TAFA1: variants seen among roughly 807,000 people sequenced by gnomAD.
The protein encoded by TAFA1 is chemokine-like protein TAFA-1.
A neutral mutation model predicts 18.5 loss-of-function variants in TAFA1; 4 were observed. That is an observed-to-expected ratio of 0.22 (90% CI 0.11 to 0.49). The LOEUF (loss-of-function observed/expected upper bound fraction) is 0.49, where lower values mean the gene tolerates loss of function less well. Among genes scored for constraint, TAFA1 ranks in the 20% least tolerant of loss-of-function variants. TAFA1 has a pLI of 0.98. For synonymous variants in TAFA1, 56 were observed against 55.2 expected (o/e 1.01, Z -0.06); for missense variants, 147 against 169.0 (o/e 0.87, Z 0.72).
chr3:68,002,661 AAT>A (rs1452440732), upstream of TAFA1, among the ~76,000 whole-genome samples: 3 of 152,234 alleles, frequency 2.0e-5, no homozygotes, highest in Admixed American at 6.5e-5. Flanking sequence ...AAGAAAATAT[AAT>A]AGTTATTTTT....
intron 2 of TAFA1, among the ~76,000 whole-genome samples, chr3:68,207,722 A>G (rs1229296537): frequency 6.6e-6 from 1 of 152,014 alleles, no homozygotes; most frequent in Admixed American, 6.6e-5. Flanking sequence ...CACTAGTAAT[A>G]GTAGTTGTAG....
At chr3:68,047,556 A>T (rs1370046523) in intron 2 of TAFA1, among the ~76,000 whole-genome samples, 1 of 152,144 alleles carries the variant, frequency 6.6e-6, no homozygotes. Context: ...ATTTCACTGG[A>T]TCCAGCTGTC....
At chr3:68,200,770 G>C (rs577448536) in intron 2 of TAFA1, among the ~76,000 whole-genome samples, 2 of 151,440 alleles carry the variant, frequency 1.3e-5, no homozygotes, top group South Asian at 4.1e-4. Context: ...CTGGCTAGAG[G>C]ATTATCATTT....
At chr3:68,345,179 A>G (rs2069145712) in intron 2 of TAFA1, among the ~76,000 whole-genome samples, 1 of 152,140 alleles carries the variant, frequency 6.6e-6, no homozygotes, top group African/African-American at 2.4e-5. Context: ...CCAACTGTGA[A>G]CCTCTGGAGA....
At chr3:68,424,653 A>G (rs1178454013) in intron 3 of TAFA1, among the ~76,000 whole-genome samples, 4 of 151,950 alleles carry the variant, frequency 2.6e-5, no homozygotes, top group Admixed American at 6.6e-5. Flanking sequence ...AAAAGGTTTG[A>G]TAATTGAAGG....
chr3:68,426,454 C>T (rs1015284632), intron 3 of TAFA1, among the ~76,000 whole-genome samples: 45 of 151,660 alleles, frequency 3.0e-4, no homozygotes, highest in African/African-American at 9.2e-4. Context: ...AATTTTTTAG[C>T]GCAGGGAAAT....
chr3:67,999,053 G>A, the TAFA1 span, among the ~76,000 whole-genome samples: 1 of 152,148 alleles, frequency 6.6e-6, no homozygotes, highest in African/African-American at 2.4e-5. Flanking sequence ...CCTGGCTGGT[G>A]TATTCTAGAA....
chr3:68,493,490 T>C (rs1002181886), intron 3 of TAFA1, among the ~76,000 whole-genome samples: 5 of 152,240 alleles, frequency 3.3e-5, no homozygotes, highest in Admixed American at 6.5e-5. Flanking sequence ...TTAAATTTGT[T>C]TGGATATATT....
chr3:67,992,743 C>T, the TAFA1 span, among the ~76,000 whole-genome samples: 4 of 152,206 alleles, frequency 2.6e-5, no homozygotes, highest in Non-Finnish European at 4.4e-5. Context: ...TCTTATCCTT[C>T]TCCCTCCTTC....
chr3:68,147,037 G>GTATA (rs1428996027), intron 2 of TAFA1, among the ~76,000 whole-genome samples: 3 of 150,020 alleles, frequency 2.0e-5, no homozygotes, highest in East Asian at 1.9e-4. Flanking sequence ...GTGTGTGTGT[G>GTATA]TGTATATATA....
intron 3 of TAFA1, among the ~76,000 whole-genome samples, chr3:68,483,801 T>TA (rs2072282416): frequency 6.6e-6 from 1 of 152,148 alleles, no homozygotes; most frequent in African/African-American, 2.4e-5. Context: ...TTCACATGTT[T>TA]AAAAAACAGG....
chr3:68,456,247 A>C (rs13081659), intron 3 of TAFA1, among the ~76,000 whole-genome samples: 62,158 of 151,966 alleles, frequency 0.41, 13,220 homozygotes, highest in Non-Finnish European at 0.45. Context: ...TTTATATATA[A>C]GGGCAATCTT....
intron 3 of TAFA1, among the ~76,000 whole-genome samples, chr3:68,446,005 A>C (rs1395278412): frequency 6.6e-6 from 1 of 152,108 alleles, no homozygotes; most frequent in Non-Finnish European, 1.5e-5. Context: ...GGGCACAAGT[A>C]ATTCTTCCTC....
chr3:67,997,219 A>G, the TAFA1 span, among the ~76,000 whole-genome samples: 2 of 152,236 alleles, frequency 1.3e-5, no homozygotes, highest in Non-Finnish European at 2.9e-5. Flanking sequence ...TCTGAGCAAA[A>G]TCTTAATTAC....
intron 2 of TAFA1, among the ~76,000 whole-genome samples, chr3:68,255,715 A>G (rs535903129): frequency 6.6e-6 from 1 of 151,884 alleles, no homozygotes; most frequent in Non-Finnish European, 1.5e-5. Context: ...ATAATGATTT[A>G]TTTTTTAAGG....
At chr3:68,371,631 G>A (rs905576182) in intron 2 of TAFA1, among the ~76,000 whole-genome samples, 1 of 152,150 alleles carries the variant, frequency 6.6e-6, no homozygotes, top group Non-Finnish European at 1.5e-5. Context: ...TATCATTGAT[G>A]GGGATTTGGG....
intron 2 of TAFA1, among the ~76,000 whole-genome samples, chr3:68,410,929 T>G (rs1419297540): frequency 6.6e-6 from 1 of 152,192 alleles, no homozygotes. Flanking sequence ...TTTGAAAGGA[T>G]AGTTCACAAG....
At chr3:68,274,377 A>G (rs908024343) in intron 2 of TAFA1, among the ~76,000 whole-genome samples, 1 of 152,196 alleles carries the variant, frequency 6.6e-6, no homozygotes, top group African/African-American at 2.4e-5. Context: ...GTGTTCAGAG[A>G]AAAATGGTAA....
At chr3:68,402,681 A>G (rs1183000643) in intron 2 of TAFA1, among the ~76,000 whole-genome samples, 8 of 152,178 alleles carry the variant, frequency 5.3e-5, no homozygotes, top group African/African-American at 1.9e-4. Flanking sequence ...TACTTTTGTT[A>G]TTACCTCTCA....
Sources: allele counts gnomAD v4.1 joint callset (sites outside exome capture counted in the v4.1 genomes callset), GRCh38; gene constraint gnomAD v4.1.1; transcripts MANE v1.5; gene names NCBI Gene and HGNC (gene_info 2026-07-23, HGNC 2026-07-21).